The following TINAG variants were observed in gnomAD, a reference collection of about 807,000 sequenced individuals.
TINAG encodes tubulointerstitial nephritis antigen.
A neutral mutation model predicts 72.7 loss-of-function variants in TINAG; 83 were observed. The observed-to-expected ratio is 1.14, with a 90% CI of 0.96 to 1.37. The LOEUF is 1.37. TINAG is among the 40% of genes most tolerant of loss of function. TINAG has a pLI of 0.00. For missense variants in TINAG, 685 were observed against 576.6 expected, an observed-to-expected ratio of 1.19 and a Z score of -1.93; for synonymous variants, 234 against 189.9, an observed-to-expected ratio of 1.23 and a Z score of -1.91.
chr6:54,352,202 T>C (rs1000131525), intron 8 of TINAG, among the ~76,000 whole-genome samples: 2 of 151,818 alleles, frequency 1.3e-5, no homozygotes, highest in Non-Finnish European at 1.5e-5. Context: ...GAATAAAAAA[T>C]AGGCCAAAAT....
chr6:54,340,891 T>C (rs1340181889), intron 4 of TINAG, among the ~76,000 whole-genome samples: 2 of 152,134 alleles, frequency 1.3e-5, no homozygotes, highest in African/African-American at 4.8e-5. Context: ...TTAAAGTGCC[T>C]ATGGAGGAAA....
At chr6:54,308,389 T>G, upstream of TINAG, 1 of 653,956 alleles carries the variant, frequency 1.5e-6, no homozygotes, top group Non-Finnish European at 2.6e-6. Flanking sequence ...AATTCTTGAT[T>G]AATGTTTAAC....
chr6:54,355,714 CGTGTGTGTGTGTGTGTGT>C (rs5876379), intron 9 of TINAG, among the ~76,000 whole-genome samples: 1 of 145,104 alleles, frequency 6.9e-6, no homozygotes. Flanking sequence ...AAAAATGTAA[CGTGTGTGTGTGTGTGTGT>C]GTGTGTGTGT....
intron 9 of TINAG, among the ~76,000 whole-genome samples, chr6:54,374,536 A>G (rs977384987): frequency 6.6e-6 from 1 of 152,114 alleles, no homozygotes; most frequent in Non-Finnish European, 1.5e-5. Flanking sequence ...GCTTTTCTTA[A>G]AAACGAAGTT....
intron 10 of TINAG, among the ~76,000 whole-genome samples, chr6:54,386,102 G>C (rs1220287118): frequency 2.6e-5 from 4 of 151,938 alleles, no homozygotes; most frequent in African/African-American, 9.7e-5. Flanking sequence ...TGTCGCCCAG[G>C]CTGGTCTCAA....
intron 9 of TINAG, among the ~76,000 whole-genome samples, chr6:54,375,439 C>T (rs1416742125): frequency 2.6e-5 from 4 of 152,166 alleles, no homozygotes; most frequent in African/African-American, 9.7e-5. Flanking sequence ...ATCAGAAACA[C>T]ATCTCTGTAT....
At position 54,320,620 on chromosome 6, in the gene TINAG, A is replaced by G. The variant is rs1234075661; in HGVS notation, c.397A>G (p.Ile133Val). 6.2e-7 allele frequency: 1 copy of G among 1,609,080 alleles called. No homozygotes were observed. Among genetic ancestry groups the G allele is most frequent in the African/African-American group, 1.3e-5 (1 of 74,856 alleles). The change falls in exon 2 of 11, where the codon ATT becomes GTT. Residue 133 changes from isoleucine (I) to valine (V), a missense_variant. Ile to Val is a conservative substitution (Grantham distance 29). Coordinates refer to ENST00000259782, the MANE Select transcript of TINAG (RefSeq NM_014464.4). ...DGQHYEEGSV[I>V]KENCNSCTCS... ...TCAACATTATGAAGAGGGATCAGTA[A>G]TTAAAGAAAACTGCAACTCCTGGTA...
intron 9 of TINAG, among the ~76,000 whole-genome samples, chr6:54,361,070 C>A (rs575248127): frequency 3.3e-5 from 5 of 150,226 alleles, no homozygotes; most frequent in Admixed American, 6.7e-5. Context: ...TTTGGGGTGC[C>A]GCAAACAGCA....
intron 7 of TINAG, 23 bp from the exon 8 acceptor site, chr6:54,351,329 C>T (rs754841872): frequency 1.9e-6 from 3 of 1,597,196 alleles, no homozygotes; most frequent in African/African-American, 2.7e-5. Flanking sequence ...AATGATATTG[C>T]TTATTCATAT....
At chr6:54,327,268 G>T in intron 4 of TINAG, 1 of 1,312,510 alleles carries the variant, frequency 7.6e-7, no homozygotes, top group South Asian at 1.4e-5. Context: ...ATCTCATTGG[G>T]ACTGGTTAGA....
At chr6:54,347,637 A>T in intron 6 of TINAG, 120 bp downstream of exon 6, 2 of 991,518 alleles carry the variant, frequency 2.0e-6, no homozygotes, top group Non-Finnish European at 2.9e-6. Flanking sequence ...TACTACATCT[A>T]CATGAATATA....
chr6:54,351,464 A>G, intron 8 of TINAG, 67 bp downstream of exon 8: 1 of 1,440,004 alleles, frequency 6.9e-7, no homozygotes, highest in Non-Finnish European at 9.6e-7. Flanking sequence ...CATTGAGCTC[A>G]TGTAATAGGA....
At chr6:54,358,679 G>A (rs1763136120) in intron 9 of TINAG, among the ~76,000 whole-genome samples, 1 of 151,742 alleles carries the variant, frequency 6.6e-6, no homozygotes, top group Admixed American at 6.6e-5. Context: ...TTAGTTTATA[G>A]CTCAGATAGT....
At chr6:54,318,422 T>C (rs149380835) in intron 1 of TINAG, among the ~76,000 whole-genome samples, 48 of 152,254 alleles carry the variant, frequency 3.2e-4, no homozygotes, top group African/African-American at 9.9e-4. Context: ...TGATTCCTCT[T>C]TTCCCTCATT....
chr6:54,343,293 C>T lies in TINAG; in HGVS notation c.692C>T (p.Thr231Ile). 1.3e-6 allele frequency: 2 copies of T among 1,578,474 alleles called. No homozygotes were observed. Among genetic ancestry groups the T allele is most frequent in the Non-Finnish European group, 1.7e-6 (2 of 1,160,262 alleles). ...FVASYKWPGW[T>I]HGPLDQKNCA... ...GCTTCTTATAAATGGCCTGGATGGACTCATGGCCCATTGGATCAAAAAAAT... is the reference window on the plus strand; with the variant it reads ...GCTTCTTATAAATGGCCTGGATGGATTCATGGCCCATTGGATCAAAAAAAT... Residue 231 changes from threonine to isoleucine, a missense_variant, in exon 5 of 11, where the codon ACT (threonine) becomes ATT (isoleucine). By Grantham distance (89) the Thr-to-Ile change is moderately conservative. Coordinates refer to ENST00000259782, the MANE Select transcript of TINAG (RefSeq NM_014464.4).
intron 9 of TINAG, among the ~76,000 whole-genome samples, chr6:54,377,807 T>C (rs908274759): frequency 1.3e-5 from 2 of 152,094 alleles, no homozygotes. Context: ...ATACATATAT[T>C]AGGAAAAAAT....
At chr6:54,331,403 A>C (rs1784736788) in intron 4 of TINAG, among the ~76,000 whole-genome samples, 1 of 152,200 alleles carries the variant, frequency 6.6e-6, no homozygotes. Flanking sequence ...GATAAAACTC[A>C]ACACCCCTTC....
intron 9 of TINAG, among the ~76,000 whole-genome samples, chr6:54,358,762 T>G (rs1763139237): frequency 6.6e-6 from 1 of 151,840 alleles, no homozygotes; most frequent in Non-Finnish European, 1.5e-5. Context: ...GCTGCATCAT[T>G]TAGCCATCAC....
chr6:54,349,586 T>C (rs1211355869), intron 6 of TINAG, 130 bp from the exon 7 acceptor site: 1 of 745,118 alleles, frequency 1.3e-6, no homozygotes, highest in African/African-American at 1.8e-5. Flanking sequence ...AGTCACTCAC[T>C]ATTTTGAAAA....
Sources: gnomAD v4.1 joint callset for allele counts (sites outside exome capture counted in the v4.1 genomes callset) on GRCh38, gnomAD v4.1.1 for gene constraint, MANE v1.5 for transcripts, NCBI Gene and HGNC (gene_info 2026-07-23, HGNC 2026-07-21) for gene names.